ADGRV1: variants seen among roughly 807,000 people sequenced by gnomAD.
ADGRV1 encodes the protein G-protein coupled receptor 98.
In ADGRV1, 359 loss-of-function variants were observed where a neutral mutation model predicts 596.2. The ratio of observed to expected loss-of-function variants is 0.60; its 90% CI spans 0.55 to 0.66. The LOEUF is 0.66. ADGRV1 is among the 30% of genes least tolerant of loss of function. ADGRV1 has a pLI of 0.00. For missense variants in ADGRV1, 7,274 were observed against 7,575.6 expected (o/e 0.96, Z 1.48); for synonymous variants, 2,681 against 2,679.2 (o/e 1.00, Z -0.02).
At chr5:90,642,573 C>G (rs530307428) in intron 11 of ADGRV1, 63 bp from the exon 12 acceptor site, 619 of 1,569,790 alleles carry the variant, frequency 3.9e-4, no homozygotes, top group Middle Eastern at 5.1e-4. Context: ...GCCTTAAAAG[C>G]CTGCAAAATT....
chr5:90,973,257 G>A (rs1387767528), intron 84 of ADGRV1, among the ~76,000 whole-genome samples: 2 of 152,090 alleles, frequency 1.3e-5, no homozygotes, highest in East Asian at 1.9e-4. Context: ...ATTCACAGTC[G>A]AATTCTACCA....
intron 83 of ADGRV1, among the ~76,000 whole-genome samples, chr5:90,906,217 G>C (rs1772308878): frequency 6.6e-6 from 1 of 151,978 alleles, no homozygotes; most frequent in Admixed American, 6.6e-5. Context: ...GTCTGGTTTT[G>C]GTATCAGGGT....
chr5:90,828,714 A>T (rs1203375917), intron 76 of ADGRV1, among the ~76,000 whole-genome samples: 1 of 152,146 alleles, frequency 6.6e-6, no homozygotes, highest in African/African-American at 2.4e-5. Flanking sequence ...TTGATTTTCT[A>T]GTAAGAAGCT....
chr5:90,945,778 G>C (rs945349467), intron 83 of ADGRV1, among the ~76,000 whole-genome samples: 6 of 152,096 alleles, frequency 3.9e-5, no homozygotes, highest in Non-Finnish European at 5.9e-5. Context: ...TTGAGCCCAG[G>C]AGATTGAGAA....
rs151160703 is a variant in ADGRV1, at chr5:91,055,249, A to AATAT, written c.18153-17181_18153-17178dup. On this transcript the variant is annotated intron_variant, in intron 85 of 89. Transcript: ENST00000405460. ...GACCTCTGATAAGCTTGCTGTTGCA[A>AATAT]ATATATATATATATATATATTAACC... Among the ~76,000 whole-genome samples, 709 of 147,220 alleles carry AATAT rather than the reference A, an allele frequency of 4.8e-3. 4 individuals carry two copies. The highest frequency in any genetic ancestry group is 0.015 in the African/African-American group (623 of 40,320).
rs1996552 is a variant in ADGRV1 at position 90,728,735 on chromosome 5, G to A, written c.10228G>A (p.Val3410Met). 490 of 1,613,778 alleles carry A rather than the reference G, an allele frequency of 3.0e-4. 1 individual carries two copies. Among genetic ancestry groups the A allele is most frequent in the Non-Finnish European group, 3.8e-4 (443 of 1,179,706 alleles). Residue 3410 changes from valine (V) to methionine (M), a missense_variant, in exon 49 of 90, where the codon GTG (valine) becomes ATG (methionine). Transcript: ENST00000405460. ...ACTCCCTGTCCGAGGTGTGCTGACC[G>A]TGGCCTTGTTCAACAAGGGAGGCTC... is the stretch of plus-strand genomic sequence containing the variant. ...QKLPVRGVLT[V>M]ALFNKGGSVF...
chr5:90,733,943 C>T (rs542701868), intron 50 of ADGRV1, among the ~76,000 whole-genome samples: 13 of 152,212 alleles, frequency 8.5e-5, no homozygotes, highest in African/African-American at 2.6e-4. Flanking sequence ...TCTTCCCCGC[C>T]CTGGTGACTA....
In ADGRV1 at chr5:90,783,140, G is replaced by C; in HGVS notation, c.13248G>C (p.Gly4416=). The change falls in exon 66 of 90, where the codon GGG becomes GGC. Residue 4416 remains glycine (G), a synonymous_variant. Transcript: ENST00000405460. ...CCATTACAGTGGAGGAAGATGTTGGGCTGATCATGATCCCAGTGGTGAGGC... is the reference window on the plus strand; with the variant it reads ...CCATTACAGTGGAGGAAGATGTTGGCCTGATCATGATCCCAGTGGTGAGGC... ...YTAFEVEEDV[G]LIMIPVVRLH... 1 of 1,613,388 alleles carries C rather than the reference G, an allele frequency of 6.2e-7. No homozygotes were observed. The highest frequency in any genetic ancestry group is 8.5e-7 in the Non-Finnish European group (1 of 1,179,468).
rs1194245232 is a variant in ADGRV1 at position 90,745,043 on chromosome 5, C to A, written c.10550-3C>A. ...CAAGTTGTTTTTTCTTTCCTTCCTG[C>A]AGCCCACATACTTCTTATTGGCCAA... On this transcript the variant is annotated splice_polypyrimidine_tract_variant and splice_region_variant and intron_variant, in intron 50 of 89. Transcript: ENST00000405460. The A allele has an allele frequency of 2.5e-6, 4 of 1,609,988 alleles. No individual in the cohort carries two copies. The highest frequency in any genetic ancestry group is 2.7e-5 in the African/African-American group (2 of 74,834).
intron 25 of ADGRV1, 50 bp from the exon 26 acceptor site, chr5:90,679,499 T>C (rs778257319): frequency 7.5e-7 from 1 of 1,332,494 alleles, no homozygotes; most frequent in Non-Finnish European, 1.1e-6. Flanking sequence ...AATTTTCTCA[T>C]TGTGTCAATG....
At chr5:90,948,840 A>G (rs1425844207) in intron 83 of ADGRV1, among the ~76,000 whole-genome samples, 1 of 152,116 alleles carries the variant, frequency 6.6e-6, no homozygotes, top group Non-Finnish European at 1.5e-5. Context: ...GAGTACTCCA[A>G]GCACAGTTTC....
intron 83 of ADGRV1, among the ~76,000 whole-genome samples, chr5:90,957,558 A>T (rs1332822086): frequency 8.3e-5 from 6 of 71,882 alleles, no homozygotes; most frequent in East Asian, 3.5e-4. Flanking sequence ...TCAACTGTTT[A>T]TATATATATA....
chr5:90,981,637 C>T (rs1187082541), intron 84 of ADGRV1, among the ~76,000 whole-genome samples: 2 of 152,148 alleles, frequency 1.3e-5, no homozygotes, highest in Non-Finnish European at 2.9e-5. Context: ...GGGCTGGTTC[C>T]TGCCTTGTGC....
intron 4 of ADGRV1, among the ~76,000 whole-genome samples, chr5:90,620,674 T>C (rs1421044287): frequency 2.0e-5 from 3 of 152,194 alleles, no homozygotes; most frequent in Non-Finnish European, 2.9e-5. Flanking sequence ...TCCTTGCCCA[T>C]GCCTATGTCC....
intron 48 of ADGRV1, among the ~76,000 whole-genome samples, chr5:90,725,947 A>G (rs1454292617): frequency 6.6e-6 from 1 of 152,230 alleles, no homozygotes; most frequent in Non-Finnish European, 1.5e-5. Context: ...ACAGCCAGAC[A>G]GAGTATCACT....
chr5:91,065,591 CCCTCTG>C (rs1787815776), intron 85 of ADGRV1, among the ~76,000 whole-genome samples: 1 of 152,150 alleles, frequency 6.6e-6, no homozygotes, highest in African/African-American at 2.4e-5. Context: ...TCTCCTGGAC[CCCTCTG>C]CCTCTGAGTT....
At chr5:91,087,987 A>C (rs924516647) in intron 86 of ADGRV1, among the ~76,000 whole-genome samples, 4 of 152,182 alleles carry the variant, frequency 2.6e-5, no homozygotes, top group Non-Finnish European at 5.9e-5. Flanking sequence ...TATTCAAAAG[A>C]GATCTTTTTC....
rs762597192 is a variant in ADGRV1 at position 91,163,861 on chromosome 5, GGAGC to G, written c.18883_18886del (p.Glu6295SerfsTer31). The G allele has an allele frequency of 6.2e-7, 1 of 1,603,620 alleles. No homozygotes were observed. The highest frequency in any genetic ancestry group is 8.5e-7 in the Non-Finnish European group (1 of 1,172,234). On this transcript the variant is annotated frameshift_variant, in exon 90 of 90. Transcript: ENST00000405460. LOFTEE classifies it high-confidence loss of function. ...GCACCTTGACTGACTCCCAGATCGT[GGAGC>G]TCAGGAGGATACCCATCGCCGACAC...
Position 90,658,061 on chromosome 5 carries a change from G to T in ADGRV1, c.4535G>T (p.Gly1512Val), listed in dbSNP as rs1188824649. 6.2e-7 allele frequency: 1 copy of T among 1,613,890 alleles called. No homozygotes were observed. The highest frequency in any genetic ancestry group is 1.1e-5 in the South Asian group (1 of 91,080). Residue 1512 changes from glycine to valine, a missense_variant, in exon 21 of 90, where the codon GGA becomes GTA. Around this residue, in one of 5 missense-constraint regions of ADGRV1, gnomAD observed 3,643 missense variants for 3,809.2 expected, o/e 0.96. Transcript: ENST00000405460. ...PAKSDLHPIS[G>V]YLEFRQGETN... ...AAAAGTGATTTACACCCAATTTCTG[G>T]ATATCTGGAGTTCAGACAGGGAGAA...
Sources: allele counts gnomAD v4.1 joint callset (sites outside exome capture counted in the v4.1 genomes callset), GRCh38; gene constraint gnomAD v4.1.1; regional missense constraint gnomAD v4.1.1; transcripts MANE v1.5; gene names NCBI Gene and HGNC (gene_info 2026-07-23, HGNC 2026-07-21).